NEMP2: variants seen among roughly 807,000 people sequenced by gnomAD.
NEMP2 encodes nuclear envelope integral membrane protein 2.
NEMP2 carries 53 observed loss-of-function variants against 54.2 expected under a neutral mutation model. The observed-to-expected ratio is 0.98, with a 90% CI of 0.78 to 1.23. The LOEUF is 1.23. NEMP2 is among the 50% of genes most tolerant of loss of function. The probability of loss-of-function intolerance (pLI) is 0.00; values close to 1 mark genes in which losing one functional copy is unlikely to be tolerated. For missense variants in NEMP2, 455 were observed against 511.3 expected (o/e 0.89, Z 1.06); for synonymous variants, 197 against 190.3 (o/e 1.04, Z -0.29).
chr2:190,526,692 G>A (rs1690950178), intron 1 of NEMP2, among the ~76,000 whole-genome samples: 1 of 152,144 alleles, frequency 6.6e-6, no homozygotes, highest in Non-Finnish European at 1.5e-5. Flanking sequence ...CCTTTACTCA[G>A]ATAAGAAATA....
At chr2:190,495,333 T>TGAAA in the NEMP2 span, among the ~76,000 whole-genome samples, 2 of 152,130 alleles carry the variant, frequency 1.3e-5, no homozygotes, top group African/African-American at 4.8e-5. This position sits in a 1 kb window ranked among gnomAD's most constrained non-coding sequence, Gnocchi z 4.7. Flanking sequence ...AAAACACTGC[T>TGAAA]GAAAGAAATC....
Position 190,534,618 on chromosome 2 carries a change from C to T in NEMP2, c.38G>A (p.Trp13Ter), listed in dbSNP as rs940321097. Residue 13 changes from tryptophan (W) to a stop codon, truncating the protein, a stop_gained, in exon 1 of 9, where the codon TGG (tryptophan) becomes TAG (stop). Transcript: ENST00000409150. LOFTEE classifies it high-confidence loss of function. ...GGGCAGTGTGGCCAGGGGCGGCAGC[C>T]AGAGCAGCAGCCACCACCGCCCTTG... ...PRQGRWWLLL[W>*]LPPLATLPVR... 9.5e-6 allele frequency: 13 copies of T among 1,373,150 alleles called. No individual in the cohort carries two copies. In the East Asian group the frequency reaches 2.8e-4, roughly 29 times the overall value. The allele number at this position is 1,373,150 out of a possible 1,614,324, so 85.1% of individuals were successfully genotyped here.
Position 190,510,897 on chromosome 2 carries a change from G to A in NEMP2, c.954-360C>T, listed in dbSNP as rs1690340903. Among the ~76,000 whole-genome samples, 3 of 149,498 alleles carry A rather than the reference G, an allele frequency of 2.0e-5. No individual in the cohort carries two copies. Among genetic ancestry groups the A allele is most frequent in the Non-Finnish European group, 4.5e-5 (3 of 67,092 alleles). On this transcript the variant is annotated intron_variant, in intron 7 of 8. Transcript: ENST00000409150. The surrounding 1 kb of genome is among the most constrained non-coding windows in gnomAD (Gnocchi z 5.7). ...CTCCGTCTCAAAAAAAAAAAAAAAA[G>A]ATTTACAAAAATACATTTCTTAGAT...
At chr2:190,536,368 G>A (rs974833534), upstream of NEMP2, among the ~76,000 whole-genome samples, 1 of 152,154 alleles carries the variant, frequency 6.6e-6, no homozygotes, top group South Asian at 2.1e-4. Flanking sequence ...CTGCCCTTTG[G>A]GGAGCAGCAG....
chr2:190,544,599 A>G, the NEMP2 span, among the ~76,000 whole-genome samples: 6 of 152,172 alleles, frequency 3.9e-5, no homozygotes, highest in African/African-American at 1.4e-4. Context: ...TCTTTTGACT[A>G]TACTGTATTA....
chr2:190,437,270 A>G, the NEMP2 span: 1 of 1,614,190 alleles, frequency 6.2e-7, no homozygotes. The surrounding 1 kb of genome is among the most constrained non-coding windows in gnomAD (Gnocchi z 5.9). Flanking sequence ...GTGGAAAGGA[A>G]CAACTCTACA....
the NEMP2 span, chr2:190,436,791 C>T: frequency 1.4e-4 from 219 of 1,614,180 alleles, 6 homozygotes; most frequent in Middle Eastern, 8.2e-3. The surrounding 1 kb of genome is among the most constrained non-coding windows in gnomAD (Gnocchi z 5.3). Context: ...CCCCAGGAAG[C>T]GTAACCAAGG....
rs1690833545 is a variant in NEMP2, at chr2:190,523,727, G to A, written c.213+1536C>T. 1.3e-5 allele frequency among the ~76,000 whole-genome samples: 2 copies of A among 152,182 alleles called. No individual in the cohort carries two copies. The highest frequency in any genetic ancestry group is 4.8e-5 in the African/African-American group (2 of 41,450). ...CTAGGCACATGGCAGAAGGACACAG[G>A]AGCTAGTTTGAAGGGGCCCTGACTG... On this transcript the variant is annotated intron_variant, in intron 2 of 8. Coordinates refer to ENST00000409150, the MANE Select transcript of NEMP2 (RefSeq NM_001142645.2). The surrounding 1 kb of genome is among the most constrained non-coding windows in gnomAD (Gnocchi z 5.3).
intron 2 of NEMP2, among the ~76,000 whole-genome samples, chr2:190,524,188 G>T (rs1181495653): frequency 6.6e-6 from 1 of 151,998 alleles, no homozygotes; most frequent in African/African-American, 2.4e-5. Context: ...ATGCACTTCA[G>T]CTTGGGCAAC....
the NEMP2 span, among the ~76,000 whole-genome samples, chr2:190,593,454 G>C: frequency 8.5e-5 from 13 of 152,300 alleles, 2 homozygotes; most frequent in African/African-American, 2.9e-4. This position sits in a 1 kb window ranked among gnomAD's most constrained non-coding sequence, Gnocchi z 4.5. Flanking sequence ...AAGTTGGGTT[G>C]ATGCCATGTC....
At chr2:190,495,467 C>T in the NEMP2 span, among the ~76,000 whole-genome samples, 3 of 152,110 alleles carry the variant, frequency 2.0e-5, no homozygotes, top group South Asian at 6.2e-4. The surrounding 1 kb of genome is among the most constrained non-coding windows in gnomAD (Gnocchi z 4.7). Context: ...CAAATACCAC[C>T]ATCATTCTTC....
the NEMP2 span, among the ~76,000 whole-genome samples, chr2:190,598,636 T>C: frequency 3.3e-5 from 5 of 152,378 alleles, no homozygotes; most frequent in Non-Finnish European, 7.3e-5. Context: ...TGGAATAAGT[T>C]AGGCTTTACT....
chr2:190,431,469 G>A, the NEMP2 span, among the ~76,000 whole-genome samples: 1 of 152,226 alleles, frequency 6.6e-6, no homozygotes, highest in Non-Finnish European at 1.5e-5. This position sits in a 1 kb window ranked among gnomAD's most constrained non-coding sequence, Gnocchi z 4.4. Flanking sequence ...TCTGGAGGCC[G>A]AGGCTGGCGG....
the NEMP2 span, chr2:190,436,190 T>C: frequency 1.3e-3 from 2,095 of 1,614,162 alleles, 39 homozygotes; most frequent in African/African-American, 0.025. This position sits in a 1 kb window ranked among gnomAD's most constrained non-coding sequence, Gnocchi z 5.3. Flanking sequence ...GAGGAGGAAA[T>C]AGACTGGATA....
downstream of NEMP2, chr2:190,500,466 T>C: frequency 7.8e-6 from 4 of 514,192 alleles, no homozygotes; most frequent in Non-Finnish European, 1.4e-5. The surrounding 1 kb of genome is among the most constrained non-coding windows in gnomAD (Gnocchi z 5.3). Context: ...GACTTTCAGT[T>C]CTTTGCTTGG....
chr2:190,472,510 A>G, the NEMP2 span, among the ~76,000 whole-genome samples: 2 of 152,226 alleles, frequency 1.3e-5, no homozygotes, highest in Admixed American at 1.3e-4. Context: ...AAATGAATGA[A>G]ATGAAGTGAG....
At chr2:190,554,123 C>A in the NEMP2 span, among the ~76,000 whole-genome samples, 1 of 152,298 alleles carries the variant, frequency 6.6e-6, no homozygotes, top group East Asian at 1.9e-4. This position sits in a 1 kb window ranked among gnomAD's most constrained non-coding sequence, Gnocchi z 5.7. Context: ...GCACTCCGGC[C>A]CAGATACTGC....
At chr2:190,423,941 C>G in the NEMP2 span, among the ~76,000 whole-genome samples, 2 of 152,128 alleles carry the variant, frequency 1.3e-5, no homozygotes, top group Admixed American at 1.3e-4. The surrounding 1 kb of genome is among the most constrained non-coding windows in gnomAD (Gnocchi z 4.3). Context: ...TCCTGTCTAT[C>G]CTCTTCAGTG....
Position 190,505,884 on chromosome 2 carries a change from G to C in NEMP2, c.*3305C>G, listed in dbSNP as rs189441647. 1 of 152,128 alleles carries C rather than the reference G, an allele frequency of 6.6e-6. No individual in the cohort carries two copies. The highest frequency in any genetic ancestry group is 1.5e-5 in the Non-Finnish European group (1 of 68,028). 9.4% of individuals were successfully genotyped at this position (152,128 alleles called of 1,614,324 possible). ...TTAACAAGGCTAGCCCCACTGGGGT[G>C]GGGGGTGGCATCTGCATCAAACTCT... On this transcript the variant is annotated 3_prime_UTR_variant, in exon 9 of 9. Coordinates refer to ENST00000409150, the MANE Select transcript of NEMP2 (RefSeq NM_001142645.2). The surrounding 1 kb of genome is among the most constrained non-coding windows in gnomAD (Gnocchi z 5.8).
Sources: gnomAD v4.1 joint callset for allele counts (sites outside exome capture counted in the v4.1 genomes callset) on GRCh38, gnomAD v4.1.1 for gene constraint, Gnocchi (gnomAD v3.1) non-coding constraint, MANE v1.5 for transcripts, NCBI Gene and HGNC (gene_info 2026-07-23, HGNC 2026-07-21) for gene names.